Variants in AHRR observed in about 807,000 individuals in gnomAD.
AHRR encodes ahR repressor.
Under a neutral mutation model 44.0 loss-of-function variants are expected in AHRR, and 28 were observed. The ratio of observed to expected loss-of-function variants is 0.64; its 90% CI spans 0.47 to 0.87. The LOEUF (loss-of-function observed/expected upper bound fraction) is 0.87. Ranked by LOEUF, AHRR falls within the 40% of genes least tolerant of loss-of-function variation. The pLI, the probability that AHRR is intolerant of heterozygous loss-of-function variation, is 0.00. For synonymous variants in AHRR, 434 were observed against 407.0 expected, an observed-to-expected ratio of 1.07 and a Z score of -0.80; for missense variants, 990 against 953.9, an observed-to-expected ratio of 1.04 and a Z score of -0.50.
chr5:433,294 C>A (rs372268577), intron 10 of AHRR, among the ~76,000 whole-genome samples: 6 of 152,134 alleles, frequency 3.9e-5, no homozygotes, highest in Non-Finnish European at 4.4e-5. Flanking sequence ...TCTCTCCCCC[C>A]TCTCCCTCCC....
rs112143000 is a variant in AHRR at position 337,510 on chromosome 5, C to T, written c.-10-6383C>T. Among the ~76,000 whole-genome samples the T allele has an allele frequency of 6.3e-4, 96 of 152,270 alleles. No individual in the cohort carries two copies. The highest frequency in any genetic ancestry group is 1.5e-3 in the Admixed American group (23 of 15,296). ...ACTCCTGCCTTAGTCTCCTGAGTAG[C>T]TGAGACTACAGACATGCGCCACCAT... On this transcript the variant is annotated intron_variant, in intron 1 of 10. Coordinates refer to ENST00000684583, the MANE Select transcript of AHRR (RefSeq NM_001377236.1). This position sits in a 1 kb window ranked among gnomAD's most constrained non-coding sequence, Gnocchi z 4.1.
intron 4 of AHRR, among the ~76,000 whole-genome samples, chr5:399,772 C>T (rs1047537243): frequency 7.2e-5 from 11 of 152,310 alleles, no homozygotes; most frequent in Admixed American, 4.6e-4. Flanking sequence ...GCCTGGGGGC[C>T]GCCATCTGCC....
At position 404,544 on chromosome 5, in the gene AHRR, C is replaced by T. The variant is rs1054208100; in HGVS notation, c.352-8800C>T. ...ATAACCTCTTCAGAAAAAGAGCAGG[C>T]GTCCTGGGCCGGGGCAGGCGATTGG... On this transcript the variant is annotated intron_variant, in intron 4 of 10. Coordinates refer to ENST00000684583, the MANE Select transcript of AHRR (RefSeq NM_001377236.1). The surrounding 1 kb of genome is among the most constrained non-coding windows in gnomAD (Gnocchi z 4.1). The T allele has an allele frequency of 4.3e-5, 13 of 304,936 alleles. No homozygotes were observed. Among genetic ancestry groups the T allele is most frequent in the South Asian group, 3.6e-4 (10 of 27,822 alleles). 18.9% of individuals were successfully genotyped at this position (304,936 alleles called of 1,614,324 possible).
chr5:347,022 A>C (rs1039140604), intron 2 of AHRR, among the ~76,000 whole-genome samples: 2 of 152,184 alleles, frequency 1.3e-5, no homozygotes, highest in African/African-American at 4.8e-5. Context: ...GGGCGTTTGT[A>C]ATTTCAATAG....
chr5:401,712 T>C (rs1452157728), intron 4 of AHRR, among the ~76,000 whole-genome samples: 1 of 152,204 alleles, frequency 6.6e-6, no homozygotes, highest in Middle Eastern at 3.2e-3. Flanking sequence ...CGCCGCAGCT[T>C]CTGAGTCACC....
At chr5:381,735 C>T (rs1212109717) in intron 4 of AHRR, among the ~76,000 whole-genome samples, 2 of 151,850 alleles carry the variant, frequency 1.3e-5, no homozygotes, top group East Asian at 1.9e-4. Flanking sequence ...AGGCTGGTCT[C>T]GAACTCCTGA....
chr5:412,882 G>A (rs557141613), intron 4 of AHRR, among the ~76,000 whole-genome samples: 20 of 151,928 alleles, frequency 1.3e-4, no homozygotes, highest in South Asian at 4.2e-4. Context: ...CACCACACCC[G>A]GCTAATTTTT....
Position 404,404 on chromosome 5 carries a change from G to A in AHRR, c.352-8940G>A. On this transcript the variant is annotated intron_variant, in intron 4 of 10. Coordinates refer to ENST00000684583, the MANE Select transcript of AHRR (RefSeq NM_001377236.1). The surrounding 1 kb of genome is among the most constrained non-coding windows in gnomAD (Gnocchi z 4.1). ...GTCCTAAAGCCTTTTGCATGATTTAGGAAGGAGAGTCTTGGGGCAGAAGCA... is the reference window on the plus strand; with the variant it reads ...GTCCTAAAGCCTTTTGCATGATTTAAGAAGGAGAGTCTTGGGGCAGAAGCA... 4 of 537,500 alleles carry A rather than the reference G, an allele frequency of 7.4e-6. No homozygotes were observed. The highest frequency in any genetic ancestry group is 3.8e-6 in the Non-Finnish European group (1 of 264,154). 33.3% of individuals were successfully genotyped at this position (537,500 alleles called of 1,614,324 possible).
chr5:392,830 C>T (rs1442678379), intron 4 of AHRR, among the ~76,000 whole-genome samples: 1 of 152,092 alleles, frequency 6.6e-6, no homozygotes, highest in East Asian at 1.9e-4. Flanking sequence ...TTACCGTGGC[C>T]GCCCCAGGCT....
intron 4 of AHRR, chr5:403,877 G>T: frequency 1.3e-6 from 2 of 1,589,538 alleles, no homozygotes; most frequent in South Asian, 1.1e-5. Context: ...TTTCCTCCTT[G>T]AACAGCTTGT....
At chr5:368,695 ACT>A (rs1415040996) in intron 3 of AHRR, among the ~76,000 whole-genome samples, 2 of 152,176 alleles carry the variant, frequency 1.3e-5, no homozygotes, top group East Asian at 3.9e-4. Flanking sequence ...CGAGCGTGTG[ACT>A]CTGGTGACCG....
intron 4 of AHRR, among the ~76,000 whole-genome samples, chr5:407,016 G>A (rs1385022725): frequency 6.6e-6 from 1 of 152,174 alleles, no homozygotes; most frequent in East Asian, 1.9e-4. Context: ...ACCCATTTCT[G>A]GATGTTCCAT....
Position 353,423 on chromosome 5 carries a change from G to A in AHRR, c.63-307G>A, listed in dbSNP as rs539336330. Among the ~76,000 whole-genome samples the A allele has an allele frequency of 9.8e-4, 149 of 152,278 alleles. 1 individual carries two copies. The highest frequency in any genetic ancestry group is 3.2e-3 in the African/African-American group (135 of 41,560). ...CTCAGGGATCCGTAGTGGAGAGGTG[G>A]AGAAATGTGCCTGTCCCGCAGCTGG... is the stretch of plus-strand genomic sequence containing the variant. On this transcript the variant is annotated intron_variant, in intron 2 of 10. Coordinates refer to ENST00000684583, the MANE Select transcript of AHRR (RefSeq NM_001377236.1).
At position 411,776 on chromosome 5, in the gene AHRR, T is replaced by A. The variant is rs770689083; in HGVS notation, c.352-1568T>A. ...AGTATACTGCTGACAGCCACAAACA[T>A]CATGGGAGTTAAAGTCTCCGAATGT... On this transcript the variant is annotated intron_variant, in intron 4 of 10. Coordinates refer to ENST00000684583, the MANE Select transcript of AHRR (RefSeq NM_001377236.1). This position sits in a 1 kb window ranked among gnomAD's most constrained non-coding sequence, Gnocchi z 4.2. Among the ~76,000 whole-genome samples, 1 of 152,200 alleles carries A rather than the reference T, an allele frequency of 6.6e-6. No individual in the cohort carries two copies. The highest frequency in any genetic ancestry group is 1.5e-5 in the Non-Finnish European group (1 of 68,024).
chr5:343,982 C>G lies in AHRR; in HGVS notation c.62+18C>G, dbSNP rs1455927961. 2 of 1,592,944 alleles carry G rather than the reference C, an allele frequency of 1.3e-6. No individual in the cohort carries two copies. The highest frequency in any genetic ancestry group is 2.2e-5 in the South Asian group (2 of 89,490). Reference sequence around the variant, plus strand: ...CAGAAACAGTAAAGTATCCCGCCTTCTGCTTGTGTGGGTTGTTGCACCCAT... The same window carrying G: ...CAGAAACAGTAAAGTATCCCGCCTTGTGCTTGTGTGGGTTGTTGCACCCAT... On this transcript the variant is annotated intron_variant, in intron 2 of 10. Transcript: ENST00000684583.
intron 3 of AHRR, chr5:367,960 C>A (rs1343991268): frequency 1.3e-5 from 9 of 702,370 alleles, no homozygotes; most frequent in Admixed American, 4.0e-5. Flanking sequence ...TATTGCAGGA[C>A]TGATAGCCAC....
At chr5:353,166 G>A (rs1742918306) in intron 2 of AHRR, among the ~76,000 whole-genome samples, 1 of 152,284 alleles carries the variant, frequency 6.6e-6, no homozygotes, top group Admixed American at 6.5e-5. Flanking sequence ...CAGGCACCTG[G>A]TCTCATTTGC....
chr5:415,701 G>GGCC (rs1560916501), intron 5 of AHRR, among the ~76,000 whole-genome samples: 1 of 104,320 alleles, frequency 9.6e-6, no homozygotes, highest in Non-Finnish European at 2.5e-5. Flanking sequence ...TAGGGGCGGA[G>GGCC]TCTGCCTGGT....
chr5:403,196 C>T (rs1735094386), intron 4 of AHRR, among the ~76,000 whole-genome samples: 1 of 152,070 alleles, frequency 6.6e-6, no homozygotes, highest in Admixed American at 6.6e-5. Flanking sequence ...GTGGGACGTA[C>T]CGGGCTGAGG....
Sources: allele counts gnomAD v4.1 joint callset (sites outside exome capture counted in the v4.1 genomes callset), GRCh38; gene constraint gnomAD v4.1.1; non-coding constraint Gnocchi (gnomAD v3.1); transcripts MANE v1.5; gene names NCBI Gene and HGNC (gene_info 2026-07-23, HGNC 2026-07-21).